The following ANKFN1 variants were observed in gnomAD, a reference collection of about 807,000 sequenced individuals.
The protein encoded by ANKFN1 is ankyrin repeat and fibronectin type III domain containing 1.
ANKFN1 carries 74 observed loss-of-function variants against 108.7 expected under a neutral mutation model. That is an observed-to-expected ratio of 0.68 (90% CI 0.56 to 0.83). The LOEUF is 0.83. ANKFN1 is among the 40% of genes least tolerant of loss of function. The pLI is 0.00. For synonymous variants in ANKFN1, 547 were observed against 516.2 expected (o/e 1.06, Z -0.81); for missense variants, 1,505 against 1,382.3 (o/e 1.09, Z -1.41).
intron 4 of ANKFN1, among the ~76,000 whole-genome samples, chr17:56,062,559 C>CTTTTT (rs3085080): frequency 7.4e-6 from 1 of 134,514 alleles, no homozygotes; most frequent in Non-Finnish European, 1.5e-5. Flanking sequence ...GTAATCTCTG[C>CTTTTT]TTTTTTTTTT....
At chr17:56,235,848 G>T (rs1917093399) in intron 3 of ANKFN1, among the ~76,000 whole-genome samples, 1 of 151,952 alleles carries the variant, frequency 6.6e-6, no homozygotes, top group Non-Finnish European at 1.5e-5. Flanking sequence ...CTCTTTTTTG[G>T]TTCCATATGA....
At chr17:56,061,265 CTTTT>C (rs71137190) in intron 4 of ANKFN1, among the ~76,000 whole-genome samples, 1 of 72,914 alleles carries the variant, frequency 1.4e-5, no homozygotes, top group African/African-American at 5.6e-5. Flanking sequence ...GGTAGTTTTT[CTTTT>C]TTTTTTTTTT....
chr17:56,352,262 A>C (rs1332545945), intron 5 of ANKFN1, among the ~76,000 whole-genome samples: 1 of 152,220 alleles, frequency 6.6e-6, no homozygotes, highest in Non-Finnish European at 1.5e-5. Context: ...CATTTGCATA[A>C]TAGCTTTGTA....
intron 4 of ANKFN1, among the ~76,000 whole-genome samples, chr17:56,336,837 G>A (rs1356519981): frequency 6.6e-6 from 1 of 152,104 alleles, no homozygotes; most frequent in Non-Finnish European, 1.5e-5. Flanking sequence ...GATCTCTCCT[G>A]CTTTCTCTTG....
intron 15 of ANKFN1, among the ~76,000 whole-genome samples, chr17:56,469,246 C>A (rs556087979): frequency 9.2e-5 from 14 of 151,802 alleles, no homozygotes; most frequent in Non-Finnish European, 1.9e-4. Context: ...TTCTCCTCCC[C>A]CTACTTCTTC....
At chr17:56,333,968 A>G (rs577296401) in intron 4 of ANKFN1, among the ~76,000 whole-genome samples, 4 of 152,232 alleles carry the variant, frequency 2.6e-5, no homozygotes, top group Non-Finnish European at 5.9e-5. Context: ...CGGGTCCCCT[A>G]CATCTTTATT....
intron 3 of ANKFN1, among the ~76,000 whole-genome samples, chr17:56,315,230 C>G (rs1212818605): frequency 1.3e-5 from 2 of 152,154 alleles, no homozygotes; most frequent in African/African-American, 4.8e-5. Context: ...GAATATGTAG[C>G]ATGATTCATT....
chr17:56,387,978 A>G (rs2144856860), intron 8 of ANKFN1, among the ~76,000 whole-genome samples: 1 of 151,960 alleles, frequency 6.6e-6, no homozygotes, highest in South Asian at 2.1e-4. Flanking sequence ...CTTTTTTTTA[A>G]TTTGTACTGA....
At chr17:56,440,192 A>G (rs1204307180) in intron 8 of ANKFN1, 135 bp from the exon 9 acceptor site, 1 of 458,518 alleles carries the variant, frequency 2.2e-6, no homozygotes, top group African/African-American at 2.0e-5. Context: ...CTGATACACC[A>G]ATATAAAGAA....
chr17:56,316,378 A>C (rs578082983), intron 3 of ANKFN1, among the ~76,000 whole-genome samples: 3 of 152,254 alleles, frequency 2.0e-5, no homozygotes, highest in African/African-American at 7.2e-5. Context: ...TGTAAAATGG[A>C]GGAGGTATTT....
In ANKFN1 at chr17:56,253,602, G is replaced by T. The variant is rs568495123; in HGVS notation, c.53+25645G>T. On this transcript the variant is annotated intron_variant, in intron 3 of 20. Coordinates refer to ENST00000682825, the MANE Select transcript of ANKFN1 (RefSeq NM_001370326.1). ...AACATACAAAAATTAGCAGGGCATG[G>T]TGGCATGCACCTATATCCCGGCTAT... Among the ~76,000 whole-genome samples the T allele has an allele frequency of 1.1e-4, 16 of 152,234 alleles. No homozygotes were observed. The South Asian group carries it at 3.3e-3, about 32-fold the overall frequency.
At chr17:56,361,402 A>G (rs7217039) in intron 6 of ANKFN1, among the ~76,000 whole-genome samples, 5,587 of 152,140 alleles carry the variant, frequency 0.037, 333 homozygotes, top group African/African-American at 0.13. Context: ...AAAACAATAG[A>G]ATTGTTTGGG....
At chr17:56,451,123 G>T (rs906397264) in intron 11 of ANKFN1, among the ~76,000 whole-genome samples, 1 of 152,130 alleles carries the variant, frequency 6.6e-6, no homozygotes, top group Non-Finnish European at 1.5e-5. Flanking sequence ...GCTGAAAAAG[G>T]TTCTCTTGTC....
chr17:56,051,342 G>GA (rs1904771127), intron 4 of ANKFN1, among the ~76,000 whole-genome samples: 1 of 123,030 alleles, frequency 8.1e-6, no homozygotes, highest in African/African-American at 3.2e-5. Flanking sequence ...AATAGATGCA[G>GA]AAAAAGCCTT....
chr17:56,458,310 A>C (rs2049782521), intron 14 of ANKFN1, among the ~76,000 whole-genome samples: 1 of 152,132 alleles, frequency 6.6e-6, no homozygotes, highest in South Asian at 2.1e-4. Flanking sequence ...CAGTTTCATC[A>C]CTTGCAAAAT....
At chr17:56,348,758 G>A (rs1011425969) in intron 4 of ANKFN1, among the ~76,000 whole-genome samples, 4 of 152,150 alleles carry the variant, frequency 2.6e-5, no homozygotes, top group African/African-American at 9.7e-5. Context: ...TGGCCAGATT[G>A]TGGAGAAAAC....
chr17:56,123,630 G>C (rs1462090270), intron 4 of ANKFN1, among the ~76,000 whole-genome samples: 1 of 152,188 alleles, frequency 6.6e-6, no homozygotes, highest in African/African-American at 2.4e-5. Flanking sequence ...ATTTAAGTGT[G>C]AAATCAGTAG....
rs1257915279 is a variant in ANKFN1, at chr17:56,083,780, A to G, written c.288+37455A>G. On this transcript the variant is annotated intron_variant, in intron 4 of 12. Transcript: ENST00000635860. Reference sequence around the variant, plus strand: ...AAATCCAATCAGATGTTCAAGCTCAAATTTTTATGAGAGATTACATAGGAC... The same window carrying G: ...AAATCCAATCAGATGTTCAAGCTCAGATTTTTATGAGAGATTACATAGGAC... Among the ~76,000 whole-genome samples the G allele has an allele frequency of 1.3e-5, 2 of 151,402 alleles. 1 individual carries two copies. The highest frequency in any genetic ancestry group is 3.0e-5 in the Non-Finnish European group (2 of 67,782).
chr17:56,255,413 C>T (rs935660720), intron 3 of ANKFN1, among the ~76,000 whole-genome samples: 3 of 152,104 alleles, frequency 2.0e-5, no homozygotes, highest in Non-Finnish European at 4.4e-5. Flanking sequence ...CAGAGGTTTG[C>T]CCCCACAAAA....
Sources: allele counts gnomAD v4.1 joint callset (sites outside exome capture counted in the v4.1 genomes callset), GRCh38; gene constraint gnomAD v4.1.1; transcripts MANE v1.5; gene names NCBI Gene and HGNC (gene_info 2026-07-23, HGNC 2026-07-21).